Variants in SLA observed in about 807,000 individuals in gnomAD.
SLA encodes Src like adaptor, also known as src-like-adapter.
SLA carries 16 observed loss-of-function variants against 30.3 expected under a neutral mutation model. The observed-to-expected ratio is 0.53, with a 90% CI of 0.36 to 0.80. SLA has a LOEUF of 0.80. SLA is among the 30% of genes least tolerant of loss of function. The pLI, the probability that SLA is intolerant of heterozygous loss-of-function variation, is 0.01. For missense variants in SLA, 310 were observed against 345.2 expected, an observed-to-expected ratio of 0.90 and a Z score of 0.81; for synonymous variants, 143 against 137.8, an observed-to-expected ratio of 1.04 and a Z score of -0.26.
chr8:133,052,037 G>T (rs752969311), intron 3 of SLA, among the ~76,000 whole-genome samples: 2 of 152,078 alleles, frequency 1.3e-5, no homozygotes, highest in South Asian at 2.1e-4. Context: ...TCCCTGGTTC[G>T]CTCACCCCAA....
At chr8:133,081,074 C>T (rs894726705) in intron 1 of SLA, among the ~76,000 whole-genome samples, 1 of 152,256 alleles carries the variant, frequency 6.6e-6, no homozygotes, top group African/African-American at 2.4e-5. Context: ...AGTGATGTTA[C>T]TAATACTACT....
At chr8:133,054,079 C>T (rs1046641944) in intron 3 of SLA, among the ~76,000 whole-genome samples, 1 of 152,144 alleles carries the variant, frequency 6.6e-6, no homozygotes, top group African/African-American at 2.4e-5. Context: ...TCAAAGTCTT[C>T]CCTGAGCTTT....
At chr8:133,098,412 G>A (rs1848755902) in intron 1 of SLA, among the ~76,000 whole-genome samples, 1 of 152,202 alleles carries the variant, frequency 6.6e-6, no homozygotes. Context: ...CCTAAACACT[G>A]TCCGCCCTGG....
chr8:133,039,436 T>C (rs1837740007), intron 8 of SLA, among the ~76,000 whole-genome samples: 1 of 152,224 alleles, frequency 6.6e-6, no homozygotes, highest in South Asian at 2.1e-4. Context: ...CCTGATTTTC[T>C]TTGATTTGCC....
At chr8:133,060,234 C>A (rs375775477) in intron 2 of SLA, 34 bp from the exon 3 acceptor site, 117 of 1,612,694 alleles carry the variant, frequency 7.3e-5, no homozygotes, top group Non-Finnish European at 9.4e-5. Context: ...GAAAGTCAAC[C>A]GTGCCCTGAG....
rs116387022 is a variant in SLA, at chr8:133,078,459, C to T, written c.-318-3329G>A. On this transcript the variant is annotated intron_variant, in intron 1 of 8. Transcript: ENST00000338087. ...CCACCCTAACCATTCCTCTCTCAACCATTTTCCATACTGTTCCTCAGTGAT... is the reference window on the plus strand; with the variant it reads ...CCACCCTAACCATTCCTCTCTCAACTATTTTCCATACTGTTCCTCAGTGAT... Among the ~76,000 whole-genome samples, 690 of 152,342 alleles carry T rather than the reference C, an allele frequency of 4.5e-3. 8 individuals carry two copies. The highest frequency in any genetic ancestry group is 0.016 in the African/African-American group (662 of 41,566).
At position 133,060,136 on chromosome 8, in the gene SLA, G is replaced by C. The variant is rs773985400; in HGVS notation, c.25C>G (p.Pro9Ala). The C allele has an allele frequency of 1.2e-6, 2 of 1,611,692 alleles. No individual in the cohort carries two copies. Among genetic ancestry groups the C allele is most frequent in the South Asian group, 2.2e-5 (2 of 90,634 alleles). MGNSMKST[P>A]APAERPLPNP... ...GGCAGGGGCCTCTCGGCAGGCGCAG[G>C]GGTGGATTTCATGCTGTTTCCCATT... Residue 9 changes from proline to alanine, a missense_variant, in exon 3 of 9, where the codon CCT (proline) becomes GCT (alanine). Transcript: ENST00000338087.
chr8:133,066,067 T>C (rs1398473693), intron 2 of SLA, among the ~76,000 whole-genome samples: 1 of 152,086 alleles, frequency 6.6e-6, no homozygotes, highest in Admixed American at 6.5e-5. Context: ...GCATTATTTT[T>C]AAAAGCTGTT....
intron 1 of SLA, among the ~76,000 whole-genome samples, chr8:133,086,313 A>G (rs1433384424): frequency 6.6e-6 from 1 of 152,256 alleles, no homozygotes; most frequent in Non-Finnish European, 1.5e-5. Flanking sequence ...GACTATAACT[A>G]AAAACCATTG....
chr8:133,049,994 A>G lies in SLA; in HGVS notation c.162-6T>C. On this transcript the variant is annotated splice_region_variant and splice_polypyrimidine_tract_variant and intron_variant, in intron 4 of 8. Coordinates refer to ENST00000338087, the MANE Select transcript of SLA (RefSeq NM_001045556.3). ...CTTTCCACCAGCCCCCTTCACTGTA[A>G]GAACAAGAACAGAGAAGAACACAGA... is the stretch of plus-strand genomic sequence containing the variant. The G allele has an allele frequency of 1.3e-6, 2 of 1,590,226 alleles. No homozygotes were observed. Among genetic ancestry groups the G allele is most frequent in the Non-Finnish European group, 1.7e-6 (2 of 1,158,048 alleles).
chr8:133,042,712 G>A (rs1031712929), intron 7 of SLA, among the ~76,000 whole-genome samples: 4 of 31,196 alleles, frequency 1.3e-4, no homozygotes, highest in Non-Finnish European at 2.2e-4. Flanking sequence ...TTTTTTTTGT[G>A]AGATGGAGTC....
intron 3 of SLA, among the ~76,000 whole-genome samples, chr8:133,054,743 T>C (rs1841044109): frequency 1.3e-5 from 2 of 152,180 alleles, no homozygotes; most frequent in African/African-American, 4.8e-5. Context: ...ATAGCTCAAC[T>C]TAAGAATGAG....
At chr8:133,095,067 C>G in intron 1 of SLA, 3 of 1,613,932 alleles carry the variant, frequency 1.9e-6, no homozygotes, top group Non-Finnish European at 2.5e-6. Context: ...TCTCCCCGGC[C>G]GCCGTCATCA....
rs1438745962 is a variant in SLA, at chr8:133,040,056, C to T, written c.559G>A (p.Ala187Thr). 1.3e-6 allele frequency: 2 copies of T among 1,554,092 alleles called. No individual in the cohort carries two copies. The highest frequency in any genetic ancestry group is 1.2e-5 in the South Asian group (1 of 84,154). ...TQSTAAPAVR[A>T]SSSPVTLRQK... is the part of the protein sequence containing the mutation. Reference sequence around the variant, plus strand: ...CGCAAGGTGACAGGTGAGCTGGAGGCCCTCACTGCTGGGGCAGCCGTGCTT... The same window carrying T: ...CGCAAGGTGACAGGTGAGCTGGAGGTCCTCACTGCTGGGGCAGCCGTGCTT... The change falls in exon 8 of 9, where the codon GCC becomes ACC. Residue 187 changes from alanine (A) to threonine (T), a missense_variant. Coordinates refer to ENST00000338087, the MANE Select transcript of SLA (RefSeq NM_001045556.3).
intron 3 of SLA, among the ~76,000 whole-genome samples, chr8:133,053,136 C>T (rs754320340): frequency 1.3e-5 from 2 of 152,186 alleles, no homozygotes; most frequent in African/African-American, 2.4e-5. Context: ...ACCGTTCCCA[C>T]CTTTGTCAAC....
intron 3 of SLA, 134 bp from the exon 4 acceptor site, chr8:133,051,049 A>G (rs1297289545): frequency 1.1e-5 from 7 of 624,530 alleles, no homozygotes; most frequent in South Asian, 1.9e-5. Flanking sequence ...TGAACCACCA[A>G]TTTACAGCAA....
chr8:133,063,685 CCAGT>C (rs1842709736), intron 2 of SLA: 1 of 152,186 alleles, frequency 6.6e-6, no homozygotes, highest in African/African-American at 2.4e-5. Flanking sequence ...TTCTGTCTTG[CCAGT>C]CAGAGTTCAG....
intron 1 of SLA, among the ~76,000 whole-genome samples, chr8:133,083,195 CATT>C (rs1485795248): frequency 1.3e-5 from 2 of 152,138 alleles, no homozygotes; most frequent in Non-Finnish European, 2.9e-5. Flanking sequence ...TGTCAGTTAT[CATT>C]ATTTATTATT....
At chr8:133,066,075 G>GT (rs761231338) in intron 2 of SLA, among the ~76,000 whole-genome samples, 43 of 152,204 alleles carry the variant, frequency 2.8e-4, no homozygotes, top group Non-Finnish European at 5.6e-4. Context: ...TTTAAAAGCT[G>GT]TTACTTAGGA....
Sources: allele counts gnomAD v4.1 joint callset (sites outside exome capture counted in the v4.1 genomes callset), GRCh38; gene constraint gnomAD v4.1.1; transcripts MANE v1.5; gene names NCBI Gene and HGNC (gene_info 2026-07-23, HGNC 2026-07-21).